DPP10: variants seen among roughly 807,000 people sequenced by gnomAD.
DPP10 encodes the protein dipeptidyl peptidase like 10, also known as inactive dipeptidyl peptidase 10.
A neutral mutation model predicts 120.9 loss-of-function variants in DPP10; 33 were observed. The observed-to-expected ratio is 0.27, with a 90% CI of 0.21 to 0.37. The LOEUF is 0.37. Ranked by LOEUF, DPP10 falls within the 10% of genes least tolerant of loss-of-function variation. The pLI is 1.00. For missense variants in DPP10, 816 were observed against 942.8 expected (o/e 0.87, Z 1.76); for synonymous variants, 337 against 326.1 (o/e 1.03, Z -0.36).
At chr2:115,502,255 A>G (rs1337770403) in intron 4 of DPP10, among the ~76,000 whole-genome samples, 1 of 152,114 alleles carries the variant, frequency 6.6e-6, no homozygotes, top group African/African-American at 2.4e-5. Context: ...AATATTGGGC[A>G]TGGTTGCCAA....
At chr2:115,622,879 G>A (rs1198254299) in intron 5 of DPP10, among the ~76,000 whole-genome samples, 1 of 135,672 alleles carries the variant, frequency 7.4e-6, no homozygotes, top group Non-Finnish European at 1.5e-5. Context: ...GTCTCGCTCT[G>A]TCGCCCAGGC....
At chr2:114,477,157 C>T (rs184101784) in intron 1 of DPP10, among the ~76,000 whole-genome samples, 4 of 151,954 alleles carry the variant, frequency 2.6e-5, no homozygotes, top group Admixed American at 1.3e-4. Flanking sequence ...CATGGTTTCA[C>T]CATGTTGGAC....
chr2:115,425,922 C>T lies in DPP10; in HGVS notation c.272-73588C>T, dbSNP rs149288606. 1.3e-3 allele frequency among the ~76,000 whole-genome samples: 192 copies of T among 152,244 alleles called. 4 individuals carry two copies. The East Asian group carries it at 0.018, about 14-fold the overall frequency. Reference sequence around the variant, plus strand: ...CAAGAGCAAGGAAGAAAGGGGAAGGCGCCACATATACCAAACAACTAAATC... The same window carrying T: ...CAAGAGCAAGGAAGAAAGGGGAAGGTGCCACATATACCAAACAACTAAATC... On this transcript the variant is annotated intron_variant, in intron 3 of 25. Transcript: ENST00000410059.
chr2:114,841,872 C>T (rs1688186537), intron 1 of DPP10, among the ~76,000 whole-genome samples: 1 of 152,054 alleles, frequency 6.6e-6, no homozygotes. Flanking sequence ...ACACCCGGCA[C>T]TCATGCTGGG....
chr2:115,107,638 A>G (rs1017177626), intron 1 of DPP10, among the ~76,000 whole-genome samples: 2 of 151,972 alleles, frequency 1.3e-5, no homozygotes, highest in African/African-American at 4.8e-5. Context: ...ATCTTTTTCA[A>G]TTTACATCAC....
In DPP10 at chr2:114,962,638, TG is replaced by T. The variant is rs1368896968; in HGVS notation, c.61-346600del. ...TGACAATACTTTGGGTTACGATGTCTGCCCTTTGAGAGAAAGAGAATTTAAA... is the reference window on the plus strand; with the variant it reads ...TGACAATACTTTGGGTTACGATGTCTCCCTTTGAGAGAAAGAGAATTTAAA... On this transcript the variant is annotated intron_variant, in intron 1 of 25. Transcript: ENST00000410059. 1.8e-4 allele frequency among the ~76,000 whole-genome samples: 28 copies of T among 152,346 alleles called. No individual in the cohort carries two copies. The East Asian group carries it at 5.4e-3, about 29-fold the overall frequency.
chr2:114,708,305 G>A (rs1031400352), intron 1 of DPP10, among the ~76,000 whole-genome samples: 1 of 152,106 alleles, frequency 6.6e-6, no homozygotes, highest in African/African-American at 2.4e-5. Context: ...CTGGGTTGCT[G>A]AGCACAAGCA....
intron 24 of DPP10, among the ~76,000 whole-genome samples, chr2:115,837,696 T>C (rs951191821): frequency 1.3e-5 from 2 of 152,134 alleles, no homozygotes; most frequent in Non-Finnish European, 2.9e-5. Flanking sequence ...TATGATGTAG[T>C]GGGGATGGCA....
chr2:115,053,643 A>G (rs1705679827), intron 1 of DPP10, among the ~76,000 whole-genome samples: 1 of 152,238 alleles, frequency 6.6e-6, no homozygotes, highest in Non-Finnish European at 1.5e-5. Context: ...ACATTTACAA[A>G]AAAATTTCCA....
chr2:114,980,274 C>T (rs72945829), intron 1 of DPP10, among the ~76,000 whole-genome samples: 38,517 of 151,902 alleles, frequency 0.25, 4,941 homozygotes, highest in East Asian at 0.35. Context: ...TGTGTTTTAC[C>T]TCTTTATCCC....
At chr2:114,972,139 T>G (rs181665871) in intron 1 of DPP10, among the ~76,000 whole-genome samples, 2 of 152,346 alleles carry the variant, frequency 1.3e-5, no homozygotes, top group East Asian at 3.9e-4. Flanking sequence ...GGCTTCACTT[T>G]TTGTTATTGT....
chr2:115,520,481 A>G (rs1176946465), intron 4 of DPP10, among the ~76,000 whole-genome samples: 1 of 149,884 alleles, frequency 6.7e-6, no homozygotes, highest in African/African-American at 2.5e-5. Flanking sequence ...CTATACTTTC[A>G]GAATTATTCA....
chr2:115,629,785 A>G (rs1375159813), intron 5 of DPP10, among the ~76,000 whole-genome samples: 1 of 152,118 alleles, frequency 6.6e-6, no homozygotes, highest in Non-Finnish European at 1.5e-5. Context: ...TACCAGTACC[A>G]TGCTGTTTTG....
chr2:114,672,916 C>T (rs1272729922), intron 1 of DPP10, among the ~76,000 whole-genome samples: 1 of 152,100 alleles, frequency 6.6e-6, no homozygotes. Flanking sequence ...TGGGATATTG[C>T]TAACAGTGAT....
rs556765347 is a variant in DPP10, at chr2:114,563,266, G to A, written c.60+120428G>A. Among the ~76,000 whole-genome samples the A allele has an allele frequency of 3.6e-4, 54 of 152,078 alleles. 1 individual carries two copies. Among genetic ancestry groups the A allele is most frequent in the South Asian group, 1.2e-3 (6 of 4,814 alleles). On this transcript the variant is annotated intron_variant, in intron 1 of 25. Coordinates refer to ENST00000410059, the MANE Select transcript of DPP10 (RefSeq NM_020868.6). ...CGGCACCTGTAGTCCTAGCTACTTGGAAGGCTGAGACAAGAGAATCACTTG... is the reference window on the plus strand; with the variant it reads ...CGGCACCTGTAGTCCTAGCTACTTGAAAGGCTGAGACAAGAGAATCACTTG...
intron 5 of DPP10, among the ~76,000 whole-genome samples, chr2:115,564,396 T>A (rs1248208778): frequency 6.6e-6 from 1 of 152,172 alleles, no homozygotes; most frequent in Non-Finnish European, 1.5e-5. Context: ...CTAGAATATT[T>A]TCCATTTGGA....
At position 115,022,826 on chromosome 2, in the gene DPP10, A is replaced by G. The variant is rs1029341977; in HGVS notation, c.61-286413A>G. On this transcript the variant is annotated intron_variant, in intron 1 of 25. Coordinates refer to ENST00000410059, the MANE Select transcript of DPP10 (RefSeq NM_020868.6). ...GACAGAGACTAATGGAACAAAATAGATAACCCAGAAATAAAGCCAAATACT... is the reference window on the plus strand; with the variant it reads ...GACAGAGACTAATGGAACAAAATAGGTAACCCAGAAATAAAGCCAAATACT... Among the ~76,000 whole-genome samples, 7 of 152,284 alleles carry G rather than the reference A, an allele frequency of 4.6e-5. No individual in the cohort carries two copies. In the East Asian group the frequency reaches 1.3e-3, roughly 29 times the overall value.
chr2:115,513,997 TCTC>T (rs1015778238), intron 4 of DPP10, among the ~76,000 whole-genome samples: 1 of 151,992 alleles, frequency 6.6e-6, no homozygotes, highest in African/African-American at 2.4e-5. Flanking sequence ...AATGACAACT[TCTC>T]CTTCCTTTAT....
chr2:115,341,532 A>G (rs566595592), intron 2 of DPP10, among the ~76,000 whole-genome samples: 1 of 152,230 alleles, frequency 6.6e-6, no homozygotes, highest in South Asian at 2.1e-4. Context: ...CAAGTAAATA[A>G]AGACATGTAT....
Sources: allele counts gnomAD v4.1 joint callset (sites outside exome capture counted in the v4.1 genomes callset), GRCh38; gene constraint gnomAD v4.1.1; transcripts MANE v1.5; gene names NCBI Gene and HGNC (gene_info 2026-07-23, HGNC 2026-07-21).